DLC1: variants seen among roughly 807,000 people sequenced by gnomAD.
DLC1 encodes the protein rho GTPase-activating protein 7.
A neutral mutation model predicts 140.3 loss-of-function variants in DLC1; 54 were observed. The ratio of observed to expected loss-of-function variants is 0.38; its 90% CI spans 0.31 to 0.48. The LOEUF (loss-of-function observed/expected upper bound fraction) is 0.48. DLC1 is among the 20% of genes least tolerant of loss of function. The probability of loss-of-function intolerance (pLI) is 0.96; values close to 1 mark genes in which losing one functional copy is unlikely to be tolerated. For synonymous variants in DLC1, 986 were observed against 728.1 expected (o/e 1.35, Z -5.70); for missense variants, 2,536 against 1,907.0 (o/e 1.33, Z -6.14).
chr8:13,474,880 A>G (rs1366571433), intron 2 of DLC1, among the ~76,000 whole-genome samples: 2 of 152,152 alleles, frequency 1.3e-5, no homozygotes, highest in African/African-American at 4.8e-5. Flanking sequence ...CTTGCTTTTG[A>G]TTTTACAGGC....
chr8:13,427,430 A>G (rs530838833), intron 2 of DLC1, among the ~76,000 whole-genome samples: 34 of 152,204 alleles, frequency 2.2e-4, no homozygotes, highest in Non-Finnish European at 1.9e-4. Flanking sequence ...AGTGAGAGCC[A>G]TATAATTTCA....
upstream of DLC1, among the ~76,000 whole-genome samples, chr8:13,517,010 T>C (rs1802609815): frequency 6.6e-6 from 1 of 152,198 alleles, no homozygotes. Flanking sequence ...TCTTAAACTC[T>C]AATAGTTTCT....
chr8:13,580,264 A>G (rs1209323414), intron 1 of DLC1, among the ~76,000 whole-genome samples: 2 of 151,966 alleles, frequency 1.3e-5, no homozygotes, highest in African/African-American at 4.8e-5. Context: ...CTGGGCCTAC[A>G]GGCGACCGCC....
intron 4 of DLC1, chr8:13,353,300 G>T (rs1229815226): frequency 6.6e-6 from 1 of 152,076 alleles, no homozygotes; most frequent in East Asian, 1.9e-4. Flanking sequence ...AACTACATAT[G>T]TGGCATTTCC....
At chr8:13,297,196 G>A (rs1204584421) in intron 5 of DLC1, among the ~76,000 whole-genome samples, 2 of 143,244 alleles carry the variant, frequency 1.4e-5, no homozygotes, top group Non-Finnish European at 1.5e-5. Context: ...TTTACATTAA[G>A]TTTTAGAAAC....
chr8:13,200,416 T>C (rs1585897114), intron 5 of DLC1, among the ~76,000 whole-genome samples: 1 of 152,270 alleles, frequency 6.6e-6, no homozygotes, highest in East Asian at 1.9e-4. Flanking sequence ...AGGTGTCGAA[T>C]GATTAAATAA....
At chr8:13,361,890 C>G (rs73203998) in intron 4 of DLC1, among the ~76,000 whole-genome samples, 19,578 of 152,182 alleles carry the variant, frequency 0.13, 1,410 homozygotes, top group South Asian at 0.16. Context: ...GTGCTGGGCA[C>G]TGGGCTAAAT....
intron 2 of DLC1, among the ~76,000 whole-genome samples, chr8:13,452,210 T>G (rs1456882865): frequency 6.6e-6 from 1 of 151,128 alleles, no homozygotes; most frequent in East Asian, 1.9e-4. Context: ...TATAATTATA[T>G]ATATCTTTAT....
intron 5 of DLC1, among the ~76,000 whole-genome samples, chr8:13,211,101 T>G (rs112024675): frequency 1.2e-3 from 189 of 152,264 alleles, no homozygotes; most frequent in African/African-American, 4.2e-3. Context: ...AATTATCACG[T>G]ATTTGCTTAA....
intron 5 of DLC1, among the ~76,000 whole-genome samples, chr8:13,226,140 C>T (rs1426718743): frequency 6.6e-6 from 1 of 152,150 alleles, no homozygotes; most frequent in Non-Finnish European, 1.5e-5. Context: ...TCTTGAACTT[C>T]TGAGCTCAAA....
intron 5 of DLC1, among the ~76,000 whole-genome samples, chr8:13,170,074 G>T (rs1419637924): frequency 6.6e-6 from 1 of 152,080 alleles, no homozygotes; most frequent in Non-Finnish European, 1.5e-5. Context: ...TAGGTCCCCT[G>T]AGCTCGAAAA....
intron 2 of DLC1, chr8:13,498,785 T>C (rs761877466): frequency 2.9e-6 from 1 of 345,452 alleles, no homozygotes; most frequent in Non-Finnish European, 5.1e-6. Flanking sequence ...AAGAAAGGGA[T>C]ACCAATCCTG....
chr8:13,160,771 G>A (rs769409846), intron 5 of DLC1, among the ~76,000 whole-genome samples: 7 of 152,148 alleles, frequency 4.6e-5, no homozygotes, highest in Non-Finnish European at 7.4e-5. Context: ...TATGAAAGAG[G>A]GGGTGGGGAT....
intron 4 of DLC1, among the ~76,000 whole-genome samples, chr8:13,372,370 T>C (rs147911136): frequency 6.1e-4 from 93 of 152,206 alleles, no homozygotes; most frequent in African/African-American, 2.2e-3. Context: ...TTTCCATGAG[T>C]AGCCTGTTTA....
At chr8:13,353,593 A>G (rs961935082) in intron 4 of DLC1, 1 of 152,232 alleles carries the variant, frequency 6.6e-6, no homozygotes, top group Non-Finnish European at 1.5e-5. Flanking sequence ...CGGGTGGCTC[A>G]TGTCTGTAAT....
Position 13,499,886 on chromosome 8 carries a change from A to C in DLC1, c.186T>G (p.Pro62=), listed in dbSNP as rs1215314817. ...VDRKEKCVSL[P]DCCHGSELRD... is the part of the protein sequence containing the mutation. ...TCAGCTCTGATCCATGACAGCAGTC[A>C]GGTAGTGAAACACACTTCTCTTTGC... Residue 62 remains proline, a synonymous_variant, in exon 2 of 18, where the codon CCT becomes CCG. Transcript: ENST00000276297. 1 of 1,614,120 alleles carries C rather than the reference A, an allele frequency of 6.2e-7. No homozygotes were observed. Among genetic ancestry groups the C allele is most frequent in the Non-Finnish European group, 8.5e-7 (1 of 1,179,992 alleles).
In DLC1 at chr8:13,090,376, T is replaced by G; in HGVS notation, c.3950A>C (p.Asp1317Ala). ...GAGGAAGTGTTGGTAGTCAGCTGAGTCATCATTACCCAGGTGCCCGAGTGC... is the reference window on the plus strand; with the variant it reads ...GAGGAAGTGTTGGTAGTCAGCTGAGGCATCATTACCCAGGTGCCCGAGTGC... Reference protein sequence around the residue: ...LEALGHLGNDDSADYQHFLQD... With the variant: ...LEALGHLGNDASADYQHFLQD... Residue 1317 changes from aspartate to alanine, a missense_variant, in exon 15 of 18, where the codon GAC becomes GCC. Physicochemically the swap from Asp to Ala is moderately radical, Grantham distance 126. Transcript: ENST00000276297. 6.2e-7 allele frequency: 1 copy of G among 1,614,130 alleles called. No individual in the cohort carries two copies. Among genetic ancestry groups the G allele is most frequent in the South Asian group, 1.1e-5 (1 of 91,066 alleles).
intron 4 of DLC1, among the ~76,000 whole-genome samples, chr8:13,331,432 A>G (rs1057356352): frequency 2.6e-5 from 4 of 152,208 alleles, no homozygotes; most frequent in African/African-American, 9.6e-5. Flanking sequence ...AACACTCCAA[A>G]GAAGATTGAG....
At chr8:13,318,274 TC>T (rs1205945112) in intron 4 of DLC1, among the ~76,000 whole-genome samples, 2 of 152,032 alleles carry the variant, frequency 1.3e-5, no homozygotes, top group East Asian at 3.9e-4. Flanking sequence ...CCTCAAGTGA[TC>T]CTCTTGCCTT....
Sources: allele counts gnomAD v4.1 joint callset (sites outside exome capture counted in the v4.1 genomes callset), GRCh38; gene constraint gnomAD v4.1.1; transcripts MANE v1.5; gene names NCBI Gene and HGNC (gene_info 2026-07-23, HGNC 2026-07-21).